NCKAP5: variants seen among roughly 807,000 people sequenced by gnomAD.
The protein encoded by NCKAP5 is NCK associated protein 5.
In NCKAP5, 92 loss-of-function variants were observed where a neutral mutation model predicts 167.0. The observed-to-expected ratio is 0.55, with a 90% CI of 0.47 to 0.66. The LOEUF is 0.66. Ranked by LOEUF, NCKAP5 falls within the 30% of genes least tolerant of loss-of-function variation. NCKAP5 has a pLI of 0.00. For synonymous variants in NCKAP5, 891 were observed against 877.4 expected (o/e 1.02, Z -0.27); for missense variants, 2,378 against 2,315.0 (o/e 1.03, Z -0.56).
chr2:133,613,050 T>A, the NCKAP5 span, among the ~76,000 whole-genome samples: 1 of 152,130 alleles, frequency 6.6e-6, no homozygotes. Context: ...AGAGCTGAAG[T>A]AAAGCTGAGA....
intron 12 of NCKAP5, among the ~76,000 whole-genome samples, chr2:132,794,755 A>C (rs1409262810): frequency 2.0e-5 from 3 of 151,962 alleles, no homozygotes; most frequent in Admixed American, 6.6e-5. Flanking sequence ...CCTGTTTTAC[A>C]CTTCCTGATA....
chr2:133,528,317 A>G (rs892351189), intron 2 of NCKAP5, among the ~76,000 whole-genome samples: 2 of 108,316 alleles, frequency 1.8e-5, no homozygotes, highest in Non-Finnish European at 3.5e-5. Flanking sequence ...AACTTCAATT[A>G]CTGGGCCTTT....
chr2:133,085,875 G>A (rs2080972176), intron 6 of NCKAP5, among the ~76,000 whole-genome samples: 1 of 152,134 alleles, frequency 6.6e-6, no homozygotes, highest in African/African-American at 2.4e-5. Flanking sequence ...ACAAGTAGAT[G>A]AGAAAAGGTA....
At chr2:132,946,112 T>G (rs559551931) in intron 8 of NCKAP5, among the ~76,000 whole-genome samples, 1 of 152,228 alleles carries the variant, frequency 6.6e-6, no homozygotes, top group East Asian at 1.9e-4. Flanking sequence ...ATAAGTGAAA[T>G]GGAAGAATTA....
At chr2:133,080,938 T>C (rs2080781900) in intron 6 of NCKAP5, among the ~76,000 whole-genome samples, 1 of 152,048 alleles carries the variant, frequency 6.6e-6, no homozygotes, top group African/African-American at 2.4e-5. Flanking sequence ...AAAGAAGGGC[T>C]TGGATAAAAC....
At chr2:133,236,972 C>G (rs1432390521) in intron 4 of NCKAP5, among the ~76,000 whole-genome samples, 1 of 151,854 alleles carries the variant, frequency 6.6e-6, no homozygotes, top group African/African-American at 2.4e-5. Flanking sequence ...GGGTGCAGCA[C>G]ACCAACATGG....
chr2:133,024,102 C>T (rs994528870), intron 6 of NCKAP5, among the ~76,000 whole-genome samples: 2 of 152,080 alleles, frequency 1.3e-5, no homozygotes, highest in South Asian at 2.1e-4. Context: ...CATCTATGAC[C>T]CAAATAGAAT....
intron 19 of NCKAP5, among the ~76,000 whole-genome samples, chr2:132,724,432 G>A (rs1002410219): frequency 2.0e-5 from 3 of 152,068 alleles, no homozygotes; most frequent in Non-Finnish European, 4.4e-5. Flanking sequence ...GAGCTGAAAG[G>A]GGCCCTGGAA....
At chr2:132,990,969 TC>T (rs1399996295) in intron 7 of NCKAP5, among the ~76,000 whole-genome samples, 1 of 152,180 alleles carries the variant, frequency 6.6e-6, no homozygotes, top group Non-Finnish European at 1.5e-5. Flanking sequence ...TGGAAAGAGC[TC>T]TAGATAGAAA....
chr2:133,032,622 G>A (rs2078915500), intron 6 of NCKAP5, among the ~76,000 whole-genome samples: 1 of 152,192 alleles, frequency 6.6e-6, no homozygotes, highest in African/African-American at 2.4e-5. Flanking sequence ...GAAGATACAG[G>A]AAGTAGCCAG....
In NCKAP5 at chr2:132,783,468, C is replaced by T; in HGVS notation, c.3343G>A (p.Val1115Ile). 2 of 1,593,536 alleles carry T rather than the reference C, an allele frequency of 1.3e-6. No individual in the cohort carries two copies. Among genetic ancestry groups the T allele is most frequent in the Middle Eastern group, 1.7e-4 (1 of 5,944 alleles). Reference protein sequence around the residue: ...LGVNESPSSQVSSSSSSSSPA... With the variant: ...LGVNESPSSQISSSSSSSSPA... ...GATGAGGATGATGAGGAACTGCTGA[C>T]CTGAGATGATGGTGACTCATTTACC... The change falls in exon 14 of 20, where the codon GTC becomes ATC. Residue 1115 changes from valine (V) to isoleucine (I), a missense_variant. Val to Ile is a conservative substitution (Grantham distance 29). Coordinates refer to ENST00000409261, the MANE Select transcript of NCKAP5 (RefSeq NM_207363.3).
At chr2:133,519,695 G>C (rs1684316564) in intron 2 of NCKAP5, among the ~76,000 whole-genome samples, 1 of 152,178 alleles carries the variant, frequency 6.6e-6, no homozygotes, top group African/African-American at 2.4e-5. Context: ...CTACTGTACA[G>C]AAGACAGTAG....
the NCKAP5 span, among the ~76,000 whole-genome samples, chr2:133,635,148 AC>A: frequency 1.2e-4 from 19 of 152,308 alleles, 1 homozygote; most frequent in African/African-American, 4.6e-4. Flanking sequence ...TTCTGGGATT[AC>A]AGGTGTGAGC....
chr2:132,837,596 C>T (rs1167555426), intron 11 of NCKAP5, among the ~76,000 whole-genome samples: 1 of 150,668 alleles, frequency 6.6e-6, no homozygotes, highest in Non-Finnish European at 1.5e-5. Context: ...TTTCAATTTT[C>T]TTCTGTTCAC....
intron 19 of NCKAP5, among the ~76,000 whole-genome samples, chr2:132,705,930 A>G (rs915465417): frequency 6.6e-6 from 1 of 152,108 alleles, no homozygotes; most frequent in Non-Finnish European, 1.5e-5. Context: ...TCCAGTTTAT[A>G]CTGCTTTTCC....
chr2:132,817,833 T>C (rs1484867467), intron 11 of NCKAP5, among the ~76,000 whole-genome samples: 1 of 152,210 alleles, frequency 6.6e-6, no homozygotes, highest in Non-Finnish European at 1.5e-5. Context: ...AACCCAGCCC[T>C]ACTCTTAGGA....
chr2:133,561,663 T>C (rs1688167134), intron 1 of NCKAP5, among the ~76,000 whole-genome samples: 2 of 152,194 alleles, frequency 1.3e-5, no homozygotes, highest in South Asian at 2.1e-4. Context: ...AAAAGAAACA[T>C]TGGAGGCAGG....
intron 7 of NCKAP5, among the ~76,000 whole-genome samples, chr2:132,990,000 G>A (rs1001091450): frequency 4.6e-5 from 7 of 152,000 alleles, no homozygotes; most frequent in African/African-American, 1.7e-4. Flanking sequence ...TTCCATAAGT[G>A]CTTTGCAAAC....
chr2:133,229,592 A>G (rs2087049437), intron 4 of NCKAP5, among the ~76,000 whole-genome samples: 1 of 152,184 alleles, frequency 6.6e-6, no homozygotes. Flanking sequence ...CCCAACCATG[A>G]CGTAGGTGCT....
Sources: gnomAD v4.1 joint callset for allele counts (sites outside exome capture counted in the v4.1 genomes callset) on GRCh38, gnomAD v4.1.1 for gene constraint, MANE v1.5 for transcripts, NCBI Gene and HGNC (gene_info 2026-07-23, HGNC 2026-07-21) for gene names.